CKS2: variants seen among roughly 807,000 people sequenced by gnomAD.
The protein encoded by CKS2 is CDC28 protein kinase regulatory subunit 2, also known as cyclin-dependent kinases regulatory subunit 2.
In CKS2, 4 loss-of-function variants were observed where a neutral mutation model predicts 14.3. The ratio of observed to expected loss-of-function variants is 0.28; its 90% CI spans 0.14 to 0.64. The LOEUF is 0.64. Among genes scored for constraint, CKS2 ranks in the 30% least tolerant of loss-of-function variants. The pLI is 0.83. For synonymous variants in CKS2, 33 were observed against 28.7 expected (o/e 1.15, Z -0.48); for missense variants, 71 against 94.3 (o/e 0.75, Z 1.02).
At chr9:89,315,467 A>G (rs971480247) in intron 2 of CKS2, among the ~76,000 whole-genome samples, 170 bp downstream of exon 2, 1 of 150,152 alleles carries the variant, frequency 6.7e-6, no homozygotes, top group Non-Finnish European at 1.5e-5. Context: ...TTCCAATTTT[A>G]TGGTAAATAA....
intron 1 of CKS2, among the ~76,000 whole-genome samples, chr9:89,314,771 G>A (rs1472991588): frequency 1.3e-5 from 2 of 152,130 alleles, no homozygotes; most frequent in Non-Finnish European, 2.9e-5. Context: ...ATATTAATGT[G>A]CATTCAACAA....
Position 89,313,569 on chromosome 9 carries a change from TA to T in CKS2, c.60-1598del, listed in dbSNP as rs1824657053. Among the ~76,000 whole-genome samples, 4 of 152,342 alleles carry T rather than the reference TA, an allele frequency of 2.6e-5. No homozygotes were observed. The South Asian group carries it at 8.3e-4, about 32-fold the overall frequency. On this transcript the variant is annotated intron_variant, in intron 1 of 2. Transcript: ENST00000314355. ...ATCCTCATATGGGGTTGATGCTACT[TA>T]AACATTTTTCCTTTATAAAGAAACC...
intron 1 of CKS2, among the ~76,000 whole-genome samples, chr9:89,311,907 CTT>C (rs1222173284): frequency 1.3e-5 from 2 of 152,104 alleles, no homozygotes; most frequent in Admixed American, 6.5e-5. Context: ...CAGAGGAACA[CTT>C]TTCTTTTTCT....
At chr9:89,313,508 T>G (rs544486726) in intron 1 of CKS2, among the ~76,000 whole-genome samples, 11 of 152,356 alleles carry the variant, frequency 7.2e-5, no homozygotes, top group Admixed American at 7.2e-4. Flanking sequence ...TACATGTAGT[T>G]AGTTTGAAAT....
chr9:89,313,288 A>G (rs201256046), intron 1 of CKS2, among the ~76,000 whole-genome samples: 1 of 152,108 alleles, frequency 6.6e-6, no homozygotes, highest in African/African-American at 2.4e-5. Context: ...GATTTTTCTT[A>G]ATTACAAACT....
At chr9:89,312,376 C>G (rs1824635292) in intron 1 of CKS2, 1 of 154,344 alleles carries the variant, frequency 6.5e-6, no homozygotes, top group Non-Finnish European at 1.5e-5. Context: ...TTTTTCTTAA[C>G]TAGGTAGCGA....
At chr9:89,315,326 G>T (rs1482527524) in intron 2 of CKS2, 29 bp downstream of exon 2, 1 of 1,486,440 alleles carries the variant, frequency 6.7e-7, no homozygotes, top group African/African-American at 1.4e-5. Context: ...TAGTAAAGCA[G>T]TAATTGTTGA....
At chr9:89,313,030 A>C (rs922363603) in intron 1 of CKS2, among the ~76,000 whole-genome samples, 2 of 152,234 alleles carry the variant, frequency 1.3e-5, no homozygotes, top group African/African-American at 4.8e-5. Flanking sequence ...AAGAAAGTTT[A>C]CATATCTGAA....
chr9:89,315,066 T>C (rs943176565), intron 1 of CKS2, 104 bp from the exon 2 acceptor site: 1 of 926,642 alleles, frequency 1.1e-6, no homozygotes, highest in Non-Finnish European at 1.6e-6. Context: ...AGGTAGTAGA[T>C]TGCAGTTCTC....
chr9:89,315,253 T>C lies in CKS2; in HGVS notation c.143T>C (p.Val48Ala), dbSNP rs1353006624. The stretch of plus-strand genomic sequence containing the variant: ...GAAGAGGAGTGGAGGAGACTTGGTG[T>C]CCAACAGAGTCTAGGCTGGGTTCAT... ...MSEEEWRRLG[V>A]QQSLGWVHYM... The change falls in exon 2 of 3, where the codon GTC (valine) becomes GCC (alanine). Residue 48 changes from valine (V) to alanine (A), a missense_variant. Val to Ala is a moderately conservative substitution (Grantham distance 64). Transcript: ENST00000314355. The C allele has an allele frequency of 6.2e-7, 1 of 1,611,412 alleles. No individual in the cohort carries two copies.
rs1339598003 is a variant in CKS2, at chr9:89,315,242, G to A, written c.132G>A (p.Arg44=). ...ATCTGATGTCTGAAGAGGAGTGGAG[G>A]AGACTTGGTGTCCAACAGAGTCTAG... ...KTHLMSEEEW[R]RLGVQQSLGW... The change falls in exon 2 of 3, where the codon AGG becomes AGA. Residue 44 remains arginine (R), a synonymous_variant. Coordinates refer to ENST00000314355, the MANE Select transcript of CKS2 (RefSeq NM_001827.3). 6.2e-7 allele frequency: 1 copy of A among 1,611,818 alleles called. No homozygotes were observed. The highest frequency in any genetic ancestry group is 8.5e-7 in the Non-Finnish European group (1 of 1,178,730).
Position 89,311,305 on chromosome 9 carries a change from C to A in CKS2, c.13C>A (p.Gln5Lys), listed in dbSNP as rs765337849. The A allele has an allele frequency of 6.2e-7, 1 of 1,611,622 alleles. No homozygotes were observed. The highest frequency in any genetic ancestry group is 1.1e-5 in the South Asian group (1 of 90,820). The stretch of plus-strand genomic sequence containing the variant: ...GCGCGCCAGCAGGATGGCCCACAAG[C>A]AGATCTACTACTCGGACAAGTACTT... MAHK[Q>K]IYYSDKYFDE... Residue 5 changes from glutamine to lysine, a missense_variant, in exon 1 of 3, where the codon CAG (glutamine) becomes AAG (lysine). By Grantham distance (53) the Gln-to-Lys change is moderately conservative (BLOSUM62 1). Coordinates refer to ENST00000314355, the MANE Select transcript of CKS2 (RefSeq NM_001827.3).
intron 1 of CKS2, 106 bp downstream of exon 1, chr9:89,311,457 G>T (rs577853354): frequency 2.6e-6 from 2 of 774,712 alleles, no homozygotes; most frequent in East Asian, 7.0e-5. Context: ...GGCCTGGGGG[G>T]CGGAGCCCGG....
rs1450109683 is a variant in CKS2, at chr9:89,311,197, T to C, written c.-96T>C. ...TCCGGATCGTTGGGACTGCGGTCGT[T>C]AGTCTCCGGCGAGTTGTTGCCTGGG... On this transcript the variant is annotated 5_prime_UTR_variant, in exon 1 of 3. Coordinates refer to ENST00000314355, the MANE Select transcript of CKS2 (RefSeq NM_001827.3). The C allele has an allele frequency of 4.1e-6, 4 of 964,138 alleles. No individual in the cohort carries two copies. The highest frequency in any genetic ancestry group is 6.5e-6 in the Non-Finnish European group (4 of 619,964). 59.7% of individuals were successfully genotyped at this position (964,138 alleles called of 1,614,324 possible).
At chr9:89,316,267 A>G in intron 2 of CKS2, 106 bp from the exon 3 acceptor site, 1 of 728,748 alleles carries the variant, frequency 1.4e-6, no homozygotes, top group East Asian at 2.7e-5. Context: ...ACCAATTAAT[A>G]GTGGACTTAG....
At chr9:89,314,058 A>G (rs1465370150) in intron 1 of CKS2, among the ~76,000 whole-genome samples, 1 of 152,232 alleles carries the variant, frequency 6.6e-6, no homozygotes, top group African/African-American at 2.4e-5. Context: ...GAAAGTGACC[A>G]GATTGCACCT....
chr9:89,315,087 C>CCTTTA, intron 1 of CKS2, 83 bp from the exon 2 acceptor site: 1 of 1,209,628 alleles, frequency 8.3e-7, no homozygotes, highest in Non-Finnish European at 1.1e-6. Context: ...AATATTAAAG[C>CCTTTA]AACAGAGTTC....
At chr9:89,312,855 T>C (rs1824644742) in intron 1 of CKS2, among the ~76,000 whole-genome samples, 1 of 152,152 alleles carries the variant, frequency 6.6e-6, no homozygotes, top group East Asian at 1.9e-4. Context: ...CTGAAACACA[T>C]CTGGTGCCAA....
At chr9:89,314,098 C>G (rs1824666516) in intron 1 of CKS2, among the ~76,000 whole-genome samples, 1 of 152,224 alleles carries the variant, frequency 6.6e-6, no homozygotes, top group African/African-American at 2.4e-5. Context: ...GACTCACAGA[C>G]AGATATCTTA....
Sources: gnomAD v4.1 joint callset for allele counts (sites outside exome capture counted in the v4.1 genomes callset) on GRCh38, gnomAD v4.1.1 for gene constraint, MANE v1.5 for transcripts, NCBI Gene and HGNC (gene_info 2026-07-23, HGNC 2026-07-21) for gene names.